The following JMJD1C variants were observed in gnomAD, a reference collection of about 807,000 sequenced individuals.
The protein encoded by JMJD1C is jumonji domain-containing protein 1C.
In JMJD1C, 31 loss-of-function variants were observed where a neutral mutation model predicts 245.3. That is an observed-to-expected ratio of 0.13 (90% CI 0.09 to 0.17). JMJD1C has a LOEUF of 0.17. Ranked by LOEUF, JMJD1C falls within the 10% of genes least tolerant of loss-of-function variation. The pLI is 1.00. For synonymous variants in JMJD1C, 1,057 were observed against 1,017.4 expected, an observed-to-expected ratio of 1.04 and a Z score of -0.74; for missense variants, 2,691 against 3,000.2, an observed-to-expected ratio of 0.90 and a Z score of 2.41.
At chr10:63,382,290 G>C (rs185621904) in intron 1 of JMJD1C, among the ~76,000 whole-genome samples, 1 of 152,206 alleles carries the variant, frequency 6.6e-6, no homozygotes, top group Admixed American at 6.5e-5. Context: ...GTTTCCTTCT[G>C]TCTCTGTCAC....
intron 10 of JMJD1C, chr10:63,202,181 G>A (rs1846095676): frequency 7.2e-6 from 3 of 418,456 alleles, no homozygotes; most frequent in Non-Finnish European, 6.4e-6. Flanking sequence ...TTGATCCCAG[G>A]GGGCGGAAGT....
chr10:63,247,809 T>C (rs1215542718), intron 3 of JMJD1C, among the ~76,000 whole-genome samples: 1 of 150,424 alleles, frequency 6.6e-6, no homozygotes, highest in African/African-American at 2.4e-5. Context: ...ACTTTACTAC[T>C]GAATTCTATA....
chr10:63,263,998 A>ACT (rs1855192923), intron 3 of JMJD1C, among the ~76,000 whole-genome samples: 1 of 149,250 alleles, frequency 6.7e-6, no homozygotes, highest in African/African-American at 2.5e-5. Context: ...ACACACACAC[A>ACT]CACACACACA....
Position 63,425,714 on chromosome 10 carries a change from G to T in JMJD1C, c.168+39781C>A, listed in dbSNP as rs1950401365. ...GGAGGACTGCTTAGGCCCAGGAGGA[G>T]AAGGTGGCAGTGAGCCAAGATTGCA... On this transcript the variant is annotated intron_variant, in intron 1 of 25. Coordinates refer to ENST00000399262, the MANE Select transcript of JMJD1C (RefSeq NM_032776.3). Among the ~76,000 whole-genome samples, 3 of 152,260 alleles carry T rather than the reference G, an allele frequency of 2.0e-5. No individual in the cohort carries two copies. In the South Asian group the frequency reaches 6.2e-4, roughly 32 times the overall value.
At chr10:63,407,299 T>TTA (rs1010752455) in intron 1 of JMJD1C, among the ~76,000 whole-genome samples, 7 of 152,132 alleles carry the variant, frequency 4.6e-5, no homozygotes, top group Admixed American at 4.6e-4. Flanking sequence ...AGGGCAGAGA[T>TTA]TACCATTGAA....
intron 2 of JMJD1C, among the ~76,000 whole-genome samples, chr10:63,319,676 C>T (rs983766518): frequency 2.8e-4 from 43 of 152,102 alleles, no homozygotes; most frequent in African/African-American, 9.7e-4. Flanking sequence ...ATTTCCTTGT[C>T]CTTTTATCCC....
chr10:63,412,298 G>C (rs1344063497), intron 1 of JMJD1C, among the ~76,000 whole-genome samples: 2 of 152,128 alleles, frequency 1.3e-5, no homozygotes, highest in East Asian at 1.9e-4. Flanking sequence ...GTAAGCTAGA[G>C]AAGTTATTAT....
Position 63,398,648 on chromosome 10 carries a change from T to TAAAA in JMJD1C, c.169-18167_169-18166insTTTT, listed in dbSNP as rs1219447344. ...ATCATTTACTATCTGAAAAAAAATT[T>TAAAA]TTTTTTTTTTTTTGAGACAGACTCT... is the stretch of plus-strand genomic sequence containing the variant. On this transcript the variant is annotated intron_variant, in intron 1 of 25. Transcript: ENST00000399262. 1.7e-3 allele frequency among the ~76,000 whole-genome samples: 237 copies of TAAAA among 139,774 alleles called. 2 individuals are homozygous for TAAAA. Among genetic ancestry groups the TAAAA allele is most frequent in the East Asian group, 5.8e-3 (27 of 4,674 alleles). The allele number at this position is 139,774 out of a possible 152,430, so 91.7% of individuals were successfully genotyped here.
At chr10:63,373,028 C>T (rs1946433174) in intron 2 of JMJD1C, 1 of 221,338 alleles carries the variant, frequency 4.5e-6, no homozygotes, top group Non-Finnish European at 1.1e-5. Context: ...GGAGCCAGGG[C>T]CCTAACCCAG....
At chr10:63,458,470 C>A (rs59826226) in intron 1 of JMJD1C, among the ~76,000 whole-genome samples, 2 of 150,906 alleles carry the variant, frequency 1.3e-5, no homozygotes, top group South Asian at 2.1e-4. Flanking sequence ...GGCAACAGAG[C>A]GAGACCCTGT....
chr10:63,203,523 T>C (rs1293318587), intron 10 of JMJD1C: 30 of 975,180 alleles, frequency 3.1e-5, no homozygotes, highest in South Asian at 4.7e-5. Flanking sequence ...ACTGTGATCA[T>C]AAACCACTGG....
chr10:63,514,974 A>G (rs1954974846), intron 1 of JMJD1C, among the ~76,000 whole-genome samples: 1 of 152,022 alleles, frequency 6.6e-6, no homozygotes, highest in South Asian at 2.1e-4. Context: ...GCCTACAGTA[A>G]ACAGGTGTTT....
intron 1 of JMJD1C, among the ~76,000 whole-genome samples, chr10:63,453,000 G>C (rs1952167097): frequency 6.6e-6 from 1 of 152,214 alleles, no homozygotes; most frequent in East Asian, 1.9e-4. Context: ...AAAATGAGCT[G>C]TGCGTGGCTC....
intron 3 of JMJD1C, among the ~76,000 whole-genome samples, chr10:63,237,040 G>A (rs1287597562): frequency 6.6e-6 from 1 of 151,982 alleles, no homozygotes; most frequent in Non-Finnish European, 1.5e-5. Flanking sequence ...TTTTTGTTTT[G>A]TTTTGTTTTG....
intron 1 of JMJD1C, among the ~76,000 whole-genome samples, chr10:63,423,804 G>T (rs115695697): frequency 0.012 from 1,901 of 152,188 alleles, 41 homozygotes; most frequent in African/African-American, 0.044. Context: ...TCCAACACTT[G>T]ATGTTTTCCA....
chr10:63,182,582 C>G (rs999148585), intron 22 of JMJD1C, among the ~76,000 whole-genome samples: 1 of 152,166 alleles, frequency 6.6e-6, no homozygotes, highest in Admixed American at 6.5e-5. Flanking sequence ...GACTCTGCTT[C>G]TATTGTACAG....
At chr10:63,321,346 A>G (rs1017687277) in intron 2 of JMJD1C, among the ~76,000 whole-genome samples, 5 of 152,240 alleles carry the variant, frequency 3.3e-5, no homozygotes, top group African/African-American at 1.2e-4. Context: ...TCAGAAGTAT[A>G]GGTGACAACC....
At chr10:63,440,397 G>A (rs7084423) in intron 1 of JMJD1C, among the ~76,000 whole-genome samples, 47 of 150,566 alleles carry the variant, frequency 3.1e-4, no homozygotes, top group African/African-American at 1.0e-3. Flanking sequence ...GAGCGCAAGC[G>A]TGCGAGCACA....
intron 3 of JMJD1C, among the ~76,000 whole-genome samples, chr10:63,245,307 C>G (rs1470221275): frequency 6.6e-6 from 1 of 151,774 alleles, no homozygotes; most frequent in Admixed American, 6.6e-5. Flanking sequence ...TTTCACACGG[C>G]TGATAAAGAT....
Sources: gnomAD v4.1 joint callset for allele counts (sites outside exome capture counted in the v4.1 genomes callset) on GRCh38, gnomAD v4.1.1 for gene constraint, MANE v1.5 for transcripts, NCBI Gene and HGNC (gene_info 2026-07-23, HGNC 2026-07-21) for gene names.